TBC1D19: variants seen among roughly 807,000 people sequenced by gnomAD.
The protein encoded by TBC1D19 is TBC1 domain family member 19.
TBC1D19 carries 60 observed loss-of-function variants against 89.0 expected under a neutral mutation model. The observed-to-expected ratio is 0.67, with a 90% CI of 0.55 to 0.84. The LOEUF (loss-of-function observed/expected upper bound fraction) is 0.84, where lower values mean the gene tolerates loss of function less well. TBC1D19 is among the 40% of genes least tolerant of loss of function. The pLI, the probability that TBC1D19 is intolerant of heterozygous loss-of-function variation, is 0.00. For missense variants in TBC1D19, 500 were observed against 610.8 expected (o/e 0.82, Z 1.91); for synonymous variants, 189 against 199.7 (o/e 0.95, Z 0.45).
intron 17 of TBC1D19, among the ~76,000 whole-genome samples, chr4:26,741,486 T>C (rs763824276): frequency 1.3e-5 from 2 of 152,060 alleles, no homozygotes; most frequent in Non-Finnish European, 2.9e-5. Flanking sequence ...ACTGGCTGCA[T>C]AGCACACACC....
the TBC1D19 span, among the ~76,000 whole-genome samples, chr4:26,814,821 G>A: frequency 2.6e-5 from 4 of 152,274 alleles, no homozygotes; most frequent in Non-Finnish European, 5.9e-5. Context: ...AGGAGTTCAA[G>A]ACCAGCCTGA....
the TBC1D19 span, among the ~76,000 whole-genome samples, chr4:26,805,442 T>C: frequency 6.6e-6 from 1 of 152,188 alleles, no homozygotes; most frequent in Non-Finnish European, 1.5e-5. Flanking sequence ...CAAGGACCAC[T>C]GGGTGCCTAA....
the TBC1D19 span, among the ~76,000 whole-genome samples, chr4:26,802,372 G>A: frequency 8.9e-4 from 136 of 152,272 alleles, 1 homozygote; most frequent in Admixed American, 2.2e-3. Context: ...AGGCCGAGGC[G>A]GGCAGATAAC....
chr4:26,834,777 C>T, the TBC1D19 span, among the ~76,000 whole-genome samples: 2 of 152,158 alleles, frequency 1.3e-5, no homozygotes, highest in Non-Finnish European at 2.9e-5. Context: ...TCACTCTTAA[C>T]TATTTTGCCA....
intron 2 of TBC1D19, 104 bp downstream of exon 2, chr4:26,613,345 C>A: frequency 1.4e-6 from 1 of 718,684 alleles, no homozygotes; most frequent in Non-Finnish European, 2.2e-6. Context: ...ACTTTGTTGT[C>A]GTTCTGTTTT....
chr4:26,656,019 C>G (rs1245013879), intron 7 of TBC1D19, among the ~76,000 whole-genome samples: 1 of 152,012 alleles, frequency 6.6e-6, no homozygotes, highest in South Asian at 2.1e-4. Flanking sequence ...GGCTCCACCC[C>G]CTCCACTAGA....
the TBC1D19 span, among the ~76,000 whole-genome samples, chr4:26,775,788 A>G: frequency 6.6e-6 from 1 of 152,080 alleles, no homozygotes. Flanking sequence ...TGACAAATAA[A>G]GGGCTTTCCC....
chr4:26,849,689 C>T, the TBC1D19 span, among the ~76,000 whole-genome samples: 2 of 152,140 alleles, frequency 1.3e-5, no homozygotes, highest in African/African-American at 4.8e-5. Flanking sequence ...AAGATTAATG[C>T]CCTTTGCAAA....
the TBC1D19 span, among the ~76,000 whole-genome samples, chr4:26,853,827 G>A: frequency 1.3e-5 from 2 of 152,160 alleles, no homozygotes; most frequent in Non-Finnish European, 2.9e-5. Context: ...GAGCCACCGC[G>A]CCTGGCCAAG....
At chr4:26,633,358 T>C (rs1742918671) in intron 4 of TBC1D19, among the ~76,000 whole-genome samples, 1 of 152,094 alleles carries the variant, frequency 6.6e-6, no homozygotes, top group Non-Finnish European at 1.5e-5. Flanking sequence ...TGATATCTTC[T>C]GTGTTGAACT....
chr4:26,602,465 G>A (rs1355115099), intron 1 of TBC1D19, among the ~76,000 whole-genome samples: 9 of 136,196 alleles, frequency 6.6e-5, no homozygotes, highest in East Asian at 2.0e-4. Flanking sequence ...TTTTTGAGAC[G>A]GAGACTTGCT....
intron 13 of TBC1D19, among the ~76,000 whole-genome samples, chr4:26,707,967 AAAT>A (rs1451286163): frequency 1.3e-5 from 2 of 152,118 alleles, no homozygotes; most frequent in Non-Finnish European, 2.9e-5. Context: ...ACTGATTTTT[AAAT>A]AATGACTTTT....
the TBC1D19 span, among the ~76,000 whole-genome samples, chr4:26,785,764 G>A: frequency 6.6e-6 from 1 of 152,210 alleles, no homozygotes; most frequent in East Asian, 1.9e-4. Context: ...AACAGGAACA[G>A]ATTCAGTTTC....
chr4:26,801,765 G>A, the TBC1D19 span, among the ~76,000 whole-genome samples: 2 of 152,090 alleles, frequency 1.3e-5, no homozygotes, highest in African/African-American at 2.4e-5. Context: ...TTTTCTGGAC[G>A]TGAAAAGGCA....
chr4:26,738,413 T>A (rs1196289050), intron 16 of TBC1D19, among the ~76,000 whole-genome samples: 1 of 151,738 alleles, frequency 6.6e-6, no homozygotes, highest in Non-Finnish European at 1.5e-5. Flanking sequence ...CAAACCTTAG[T>A]CTTAGATTTA....
chr4:26,719,860 C>T (rs1247018040), intron 14 of TBC1D19, among the ~76,000 whole-genome samples: 1 of 152,056 alleles, frequency 6.6e-6, no homozygotes, highest in Non-Finnish European at 1.5e-5. Context: ...TTTTGTGTCG[C>T]TTCTGTTGTA....
chr4:26,732,270 A>G (rs150683275), intron 15 of TBC1D19, among the ~76,000 whole-genome samples: 1 of 152,282 alleles, frequency 6.6e-6, no homozygotes, highest in Non-Finnish European at 1.5e-5. Flanking sequence ...CAATCATCAC[A>G]TGAAGCTAGG....
intron 7 of TBC1D19, among the ~76,000 whole-genome samples, chr4:26,642,758 C>T (rs541501467): frequency 6.6e-6 from 1 of 152,004 alleles, no homozygotes; most frequent in East Asian, 1.9e-4. Context: ...ATGGAAAGCA[C>T]AAAAAGAGCA....
intron 3 of TBC1D19, among the ~76,000 whole-genome samples, chr4:26,616,983 A>G (rs1013932859): frequency 3.3e-5 from 5 of 152,212 alleles, no homozygotes; most frequent in African/African-American, 1.2e-4. Context: ...AGTAAAATTT[A>G]TTATGATCAC....
Sources: allele counts gnomAD v4.1 joint callset (sites outside exome capture counted in the v4.1 genomes callset), GRCh38; gene constraint gnomAD v4.1.1; transcripts MANE v1.5; gene names NCBI Gene and HGNC (gene_info 2026-07-23, HGNC 2026-07-21).